TNFRSF1B: variants seen among roughly 807,000 people sequenced by gnomAD.
TNFRSF1B encodes TNF receptor superfamily member 1B, also known as tumor necrosis factor receptor superfamily member 1B.
In TNFRSF1B, 19 loss-of-function variants were observed where a neutral mutation model predicts 44.6. That is an observed-to-expected ratio of 0.43 (90% CI 0.30 to 0.62). The LOEUF is 0.62. TNFRSF1B is among the 20% of genes least tolerant of loss of function. The pLI is 0.16. For missense variants in TNFRSF1B, 541 were observed against 619.9 expected (o/e 0.87, Z 1.35); for synonymous variants, 252 against 261.1 (o/e 0.97, Z 0.34).
chr1:12,189,753 GT>G (rs958035318), intron 2 of TNFRSF1B, among the ~76,000 whole-genome samples: 6 of 152,348 alleles, frequency 3.9e-5, no homozygotes, highest in African/African-American at 1.4e-4. Context: ...ACAAGGTCAG[GT>G]AAGGCGGGGG....
intron 9 of TNFRSF1B, among the ~76,000 whole-genome samples, chr1:12,203,754 G>A (rs1044251780): frequency 2.6e-5 from 4 of 151,924 alleles, no homozygotes; most frequent in African/African-American, 4.8e-5. Context: ...GGTCTCGCTC[G>A]TCGCCTAGGC....
intron 1 of TNFRSF1B, among the ~76,000 whole-genome samples, chr1:12,184,602 G>C (rs996798511): frequency 6.6e-6 from 1 of 152,222 alleles, no homozygotes; most frequent in Non-Finnish European, 1.5e-5. Context: ...GCCGGCCTGG[G>C]GGCCATGGGA....
At chr1:12,190,115 T>C (rs751140838) in intron 2 of TNFRSF1B, among the ~76,000 whole-genome samples, 3 of 152,144 alleles carry the variant, frequency 2.0e-5, no homozygotes, top group Non-Finnish European at 4.4e-5. Flanking sequence ...TAGGTGGGCA[T>C]ATGAGTACCT....
chr1:12,204,226 G>A (rs943628112), intron 9 of TNFRSF1B, among the ~76,000 whole-genome samples: 7 of 152,030 alleles, frequency 4.6e-5, no homozygotes, highest in Admixed American at 3.3e-4. Flanking sequence ...TCCACTGTGG[G>A]AACCTGTAAA....
rs1225580680 is a variant in TNFRSF1B, at chr1:12,180,143, A to G, written c.79-8653A>G. On this transcript the variant is annotated intron_variant, in intron 1 of 9. Coordinates refer to ENST00000376259, the MANE Select transcript of TNFRSF1B (RefSeq NM_001066.3). This position sits in a 1 kb window ranked among gnomAD's most constrained non-coding sequence, Gnocchi z 4.3. ...GGGATCTCCGGAACATTGAAAAGCC[A>G]TGAAGGCCGGGCACAGCGGCTCACG... Among the ~76,000 whole-genome samples the G allele has an allele frequency of 6.6e-6, 1 of 152,066 alleles. No homozygotes were observed. The highest frequency in any genetic ancestry group is 2.4e-5 in the African/African-American group (1 of 41,400).
chr1:12,206,534 A>G (rs5746061), intron 9 of TNFRSF1B, among the ~76,000 whole-genome samples: 27,845 of 152,008 alleles, frequency 0.18, 2,804 homozygotes, highest in Middle Eastern at 0.24. Flanking sequence ...TAGTGATGCT[A>G]TTCTTATTCG....
At position 12,199,445 on chromosome 1, in the gene TNFRSF1B, G is replaced by C. The variant is rs1639340993; in HGVS notation, c.901-2522G>C. On this transcript the variant is annotated intron_variant, in intron 8 of 9. Coordinates refer to ENST00000376259, the MANE Select transcript of TNFRSF1B (RefSeq NM_001066.3). This position sits in a 1 kb window ranked among gnomAD's most constrained non-coding sequence, Gnocchi z 4.0. ...TCTGCTCCTGCCACGGACCAGCTGTGTGATGCTGGGCACAGGATGCACTTT... is the reference window on the plus strand; with the variant it reads ...TCTGCTCCTGCCACGGACCAGCTGTCTGATGCTGGGCACAGGATGCACTTT... Among the ~76,000 whole-genome samples the C allele has an allele frequency of 6.6e-6, 1 of 152,258 alleles. No individual in the cohort carries two copies. The highest frequency in any genetic ancestry group is 2.1e-4 in the South Asian group (1 of 4,832).
intron 3 of TNFRSF1B, 58 bp from the exon 4 acceptor site, chr1:12,191,716 G>C: frequency 6.2e-7 from 1 of 1,606,458 alleles, no homozygotes; most frequent in Non-Finnish European, 8.5e-7. Context: ...TGTCTGGGAG[G>C]GCAGCGTGGG....
chr1:12,183,260 T>C (rs1188732855), intron 1 of TNFRSF1B, among the ~76,000 whole-genome samples: 1 of 152,166 alleles, frequency 6.6e-6, no homozygotes, highest in Non-Finnish European at 1.5e-5. Flanking sequence ...TTCTTATCCA[T>C]AGTCCTCTAT....
intron 3 of TNFRSF1B, 57 bp from the exon 4 acceptor site, chr1:12,191,717 G>A (rs1356532849): frequency 1.2e-6 from 2 of 1,605,838 alleles, no homozygotes; most frequent in Non-Finnish European, 1.7e-6. Context: ...GTCTGGGAGG[G>A]CAGCGTGGGT....
chr1:12,191,623 T>C (rs1639133135), intron 3 of TNFRSF1B, 151 bp from the exon 4 acceptor site: 1 of 895,370 alleles, frequency 1.1e-6, no homozygotes, highest in Admixed American at 2.2e-5. Context: ...GTCCTGCCCC[T>C]GGACTCTGGC....
chr1:12,204,385 C>T (rs891595981), intron 9 of TNFRSF1B, among the ~76,000 whole-genome samples: 2 of 152,196 alleles, frequency 1.3e-5, no homozygotes, highest in Non-Finnish European at 1.5e-5. Flanking sequence ...TTTCAACCCT[C>T]CTCCCCCACC....
At chr1:12,174,565 A>G (rs598492) in intron 1 of TNFRSF1B, among the ~76,000 whole-genome samples, 5,493 of 152,210 alleles carry the variant, frequency 0.036, 98 homozygotes, top group African/African-American at 0.054. Context: ...CTTCTTTGAA[A>G]AGTAGGAGGG....
chr1:12,183,707 T>C lies in TNFRSF1B; in HGVS notation c.79-5089T>C, dbSNP rs1329323350. Among the ~76,000 whole-genome samples the C allele has an allele frequency of 4.6e-3, 487 of 106,840 alleles. 4 individuals are homozygous for C. The highest frequency in any genetic ancestry group is 0.012 in the African/African-American group (408 of 32,774). The allele number at this position is 106,840 out of a possible 152,430, so 70.1% of individuals were successfully genotyped here. A position where few individuals can be genotyped will look rare whatever the true frequency, so the allele number is the denominator to read the frequency against. ...ATCTATCTATCTATCTATCTATCTA[T>C]CTATTCTATCTACCTATCTATCTAT... On this transcript the variant is annotated intron_variant, in intron 1 of 9. Coordinates refer to ENST00000376259, the MANE Select transcript of TNFRSF1B (RefSeq NM_001066.3).
rs546870627 is a variant in TNFRSF1B, at chr1:12,201,061, T to C, written c.901-906T>C. Among the ~76,000 whole-genome samples, 8 of 152,174 alleles carry C rather than the reference T, an allele frequency of 5.3e-5. No individual in the cohort carries two copies. In the East Asian group the frequency reaches 1.4e-3, roughly 26 times the overall value. ...TGAGCCCAGGAGTACAAGACCAGCC[T>C]GGGTAACATAGCACAACCCTGTCTC... On this transcript the variant is annotated intron_variant, in intron 8 of 9. Transcript: ENST00000376259.
At chr1:12,175,243 G>C (rs563324525) in intron 1 of TNFRSF1B, among the ~76,000 whole-genome samples, 2 of 152,324 alleles carry the variant, frequency 1.3e-5, no homozygotes, top group East Asian at 3.9e-4. Context: ...ATCTTGGCCC[G>C]GCCTCTGCTT....
rs565195110 is a variant in TNFRSF1B, at chr1:12,178,183, G to T, written c.79-10613G>T. On this transcript the variant is annotated intron_variant, in intron 1 of 9. Coordinates refer to ENST00000376259, the MANE Select transcript of TNFRSF1B (RefSeq NM_001066.3). The surrounding 1 kb of genome is among the most constrained non-coding windows in gnomAD (Gnocchi z 4.3). ...CATTTCCTGCCCATTTCTCATGCTAGCTCCAGCTCATTTCAACTAATTGAA... is the reference window on the plus strand; with the variant it reads ...CATTTCCTGCCCATTTCTCATGCTATCTCCAGCTCATTTCAACTAATTGAA... 6.6e-6 allele frequency among the ~76,000 whole-genome samples: 1 copy of T among 152,350 alleles called. No homozygotes were observed. Among genetic ancestry groups the T allele is most frequent in the East Asian group, 1.9e-4 (1 of 5,196 alleles).
Position 12,207,407 on chromosome 1 carries a change from C to A in TNFRSF1B, c.*387C>A, listed in dbSNP as rs5746065. ...TGTTTGTTTCTCCCCCTGGGCTCTG[C>A]CCCAGCTCTGGCTTCCAGAAAACCC... On this transcript the variant is annotated 3_prime_UTR_variant, in exon 10 of 10. Transcript: ENST00000376259. The A allele has an allele frequency of 0.12, 23,187 of 195,268 alleles. 1,478 individuals are homozygous for A. Among genetic ancestry groups the A allele is most frequent in the East Asian group, 0.16 (1,340 of 8,220 alleles). 12.1% of individuals were successfully genotyped at this position (195,268 alleles called of 1,614,324 possible). A position where few individuals can be genotyped will look rare whatever the true frequency, so the allele number is the denominator to read the frequency against.
Position 12,183,826 on chromosome 1 carries a change from C to CTATCTATCTAT in TNFRSF1B, c.79-4970_79-4969insTATCTATCTAT, listed in dbSNP as rs1557629489. 1.5e-4 allele frequency among the ~76,000 whole-genome samples: 19 copies of CTATCTATCTAT among 124,444 alleles called. 1 individual carries two copies. The highest frequency in any genetic ancestry group is 5.5e-4 in the South Asian group (2 of 3,662). 81.6% of individuals were successfully genotyped at this position (124,444 alleles called of 152,430 possible). A position where few individuals can be genotyped will look rare whatever the true frequency, so the allele number is the denominator to read the frequency against. On this transcript the variant is annotated intron_variant, in intron 1 of 9. Coordinates refer to ENST00000376259, the MANE Select transcript of TNFRSF1B (RefSeq NM_001066.3). ...TCTAGCTATCTATCTATTCTATCTA[C>CTATCTATCTAT]CTATCTATCTATCTATCTATCTATC...
Sources: allele counts gnomAD v4.1 joint callset (sites outside exome capture counted in the v4.1 genomes callset), GRCh38; gene constraint gnomAD v4.1.1; non-coding constraint Gnocchi (gnomAD v3.1); transcripts MANE v1.5; gene names NCBI Gene and HGNC (gene_info 2026-07-23, HGNC 2026-07-21).